Variants in TSPEAR observed in about 807,000 individuals in gnomAD.
TSPEAR encodes the protein thrombospondin type laminin G domain and EAR repeats.
In TSPEAR, 69 loss-of-function variants were observed where a neutral mutation model predicts 71.6. The observed-to-expected ratio is 0.96, with a 90% CI of 0.79 to 1.18. The LOEUF is 1.18. Ranked by LOEUF, TSPEAR falls within the 50% of genes most tolerant of loss-of-function variation. The probability of loss-of-function intolerance (pLI) is 0.00; values close to 1 mark genes in which losing one functional copy is unlikely to be tolerated. For synonymous variants in TSPEAR, 402 were observed against 387.2 expected (o/e 1.04, Z -0.45); for missense variants, 971 against 894.9 (o/e 1.09, Z -1.09).
At position 44,509,340 on chromosome 21, in the gene TSPEAR, A is replaced by G. The variant is rs2052289345; in HGVS notation, c.1613T>C (p.Ile538Thr). 6.2e-7 allele frequency: 1 copy of G among 1,613,920 alleles called. No homozygotes were observed. The highest frequency in any genetic ancestry group is 8.5e-7 in the Non-Finnish European group (1 of 1,179,994). Residue 538 changes from isoleucine to threonine, a missense_variant, in exon 10 of 12, where the codon ATC becomes ACC. Ile to Thr is a moderately conservative substitution (Grantham distance 89). Coordinates refer to ENST00000323084, the MANE Select transcript of TSPEAR (RefSeq NM_144991.3). The stretch of plus-strand genomic sequence containing the variant: ...GTGACTGTTTGCCACAGCGAGGAAG[A>G]TCCTCTCCCCGATCTGGAAGACCTC... ...DWEVFQIGER[I>T]FLAVANSHSY...
At chr21:44,588,949 A>G (rs1313460654) in intron 1 of TSPEAR, among the ~76,000 whole-genome samples, 1 of 151,972 alleles carries the variant, frequency 6.6e-6, no homozygotes, top group African/African-American at 2.4e-5. Flanking sequence ...AAGCTAAGCT[A>G]TGAGGATACA....
chr21:44,683,387 C>T (rs1986706110), intron 1 of TSPEAR, among the ~76,000 whole-genome samples: 1 of 152,114 alleles, frequency 6.6e-6, no homozygotes, highest in African/African-American at 2.4e-5. Context: ...AGATATTGAC[C>T]AGGCACGGTT....
chr21:44,641,393 A>G (rs1334001678), intron 1 of TSPEAR, among the ~76,000 whole-genome samples: 2 of 152,178 alleles, frequency 1.3e-5, no homozygotes, highest in Non-Finnish European at 2.9e-5. Flanking sequence ...TCTGCATAAT[A>G]GACCCTGAAA....
chr21:44,580,702 T>C, intron 1 of TSPEAR: 1 of 1,037,184 alleles, frequency 9.6e-7, no homozygotes, highest in Admixed American at 2.4e-5. Context: ...AATCCCTCCC[T>C]GGCGTGTGTT....
chr21:44,708,417 T>C (rs781963554), intron 1 of TSPEAR, among the ~76,000 whole-genome samples: 3 of 152,096 alleles, frequency 2.0e-5, no homozygotes, highest in Non-Finnish European at 4.4e-5. Flanking sequence ...CACACTCCCT[T>C]AGGCGCTGAA....
At chr21:44,707,297 CG>C (rs1198492518) in intron 1 of TSPEAR, among the ~76,000 whole-genome samples, 1 of 48,336 alleles carries the variant, frequency 2.1e-5, no homozygotes, top group African/African-American at 7.9e-5. Context: ...GGAAAGGACG[CG>C]GGGTGGGGGG....
intron 9 of TSPEAR, among the ~76,000 whole-genome samples, chr21:44,513,907 G>A (rs1442728365): frequency 1.3e-5 from 2 of 152,142 alleles, no homozygotes; most frequent in Admixed American, 1.3e-4. Context: ...CATCCCGGGT[G>A]GCCATGGGGG....
At chr21:44,509,170 A>G (rs1449453181) in intron 10 of TSPEAR, 29 bp downstream of exon 10, 9 of 1,603,098 alleles carry the variant, frequency 5.6e-6, no homozygotes, top group Non-Finnish European at 7.7e-6. Flanking sequence ...AGATCAGCCC[A>G]CCTCCCACTG....
chr21:44,639,620 G>A (rs1055116100), intron 1 of TSPEAR, among the ~76,000 whole-genome samples: 15 of 152,318 alleles, frequency 9.8e-5, no homozygotes, highest in Non-Finnish European at 1.2e-4. Context: ...AACCTGCCCC[G>A]GTTTTTGGGG....
intron 9 of TSPEAR, chr21:44,511,208 G>GT (rs1555912615): frequency 6.6e-6 from 1 of 152,278 alleles, no homozygotes; most frequent in Non-Finnish European, 1.5e-5. Flanking sequence ...ACCCTCACGT[G>GT]TGTACACATG....
At chr21:44,704,930 C>T (rs868908785) in intron 1 of TSPEAR, among the ~76,000 whole-genome samples, 5 of 152,124 alleles carry the variant, frequency 3.3e-5, no homozygotes, top group Non-Finnish European at 2.9e-5. Context: ...CGCCCAGACG[C>T]ACTGACCTGT....
rs113857710 is a variant in TSPEAR at position 44,706,108 on chromosome 21, G to A, written c.82+5325C>T. ...CCCCGATAACCCCCAGCTGCAGATC[G>A]AGGCCTAGTGCGAGCACAGGTCCCC... On this transcript the variant is annotated intron_variant, in intron 1 of 11. Coordinates refer to ENST00000323084, the MANE Select transcript of TSPEAR (RefSeq NM_144991.3). Among the ~76,000 whole-genome samples, 1,147 of 152,248 alleles carry A rather than the reference G, an allele frequency of 7.5e-3. 19 individuals carry two copies. Among genetic ancestry groups the A allele is most frequent in the African/African-American group, 0.026 (1,066 of 41,528 alleles).
intron 1 of TSPEAR, among the ~76,000 whole-genome samples, chr21:44,611,488 C>T (rs1158274351): frequency 6.6e-6 from 1 of 151,918 alleles, no homozygotes; most frequent in Non-Finnish European, 1.5e-5. Context: ...ACTGTAAGTC[C>T]AATTAAAGCC....
At chr21:44,539,581 C>G in intron 2 of TSPEAR, 1 of 1,613,498 alleles carries the variant, frequency 6.2e-7, no homozygotes, top group South Asian at 1.1e-5. Flanking sequence ...AGCAGACAGG[C>G]TTGCAACGGA....
intron 2 of TSPEAR, among the ~76,000 whole-genome samples, chr21:44,552,450 G>A (rs587709377): frequency 1.8e-4 from 27 of 152,236 alleles, no homozygotes; most frequent in African/African-American, 6.3e-4. Context: ...ATGAGGCTAC[G>A]GCAGCCTGGG....
At chr21:44,624,296 T>C (rs782365779) in intron 1 of TSPEAR, among the ~76,000 whole-genome samples, 38 of 152,256 alleles carry the variant, frequency 2.5e-4, no homozygotes, top group Non-Finnish European at 4.8e-4. Flanking sequence ...CCATTTGTCC[T>C]CTGGTTTTTT....
In TSPEAR at chr21:44,627,287, C is replaced by T. The variant is rs185394765; in HGVS notation, c.83-59282G>A. The T allele has an allele frequency of 2.2e-4, 349 of 1,612,558 alleles. 1 individual carries two copies. The African/African-American group carries it at 3.8e-3, about 18-fold the overall frequency. On this transcript the variant is annotated intron_variant, in intron 1 of 11. Coordinates refer to ENST00000323084, the MANE Select transcript of TSPEAR (RefSeq NM_144991.3). ...TGCTGCGCCACCAGCTGCTGCGCCC[C>T]GGCCCCCTGCCTGACCCTGGTCTGC...
intron 1 of TSPEAR, chr21:44,579,732 A>G (rs1555924528): frequency 1.3e-6 from 2 of 1,593,370 alleles, no homozygotes; most frequent in African/African-American, 2.7e-5. Context: ...TGTGCACATC[A>G]GCAACTGGAC....
intron 8 of TSPEAR, among the ~76,000 whole-genome samples, chr21:44,525,064 T>C (rs960947113): frequency 4.0e-5 from 6 of 151,316 alleles, no homozygotes; most frequent in South Asian, 2.1e-4. Context: ...GTTAGTCAGA[T>C]AGTCAGTCAG....
Sources: gnomAD v4.1 joint callset for allele counts (sites outside exome capture counted in the v4.1 genomes callset) on GRCh38, gnomAD v4.1.1 for gene constraint, MANE v1.5 for transcripts, NCBI Gene and HGNC (gene_info 2026-07-23, HGNC 2026-07-21) for gene names.